The following OTOGL variants were observed in gnomAD, a reference collection of about 807,000 sequenced individuals.
The protein encoded by OTOGL is otogelin like, also known as otogelin-like protein.
A neutral mutation model predicts 318.5 loss-of-function variants in OTOGL; 285 were observed. The observed-to-expected ratio is 0.89, with a 90% CI of 0.81 to 0.99. The LOEUF is 0.99. Among genes scored for constraint, OTOGL ranks in the 50% least tolerant of loss-of-function variants. The pLI is 0.00. For synonymous variants in OTOGL, 987 were observed against 936.5 expected (o/e 1.05, Z -0.99); for missense variants, 2,899 against 2,845.6 (o/e 1.02, Z -0.43).
intron 6 of OTOGL, among the ~76,000 whole-genome samples, chr12:80,220,981 G>T (rs1878265424): frequency 6.6e-6 from 1 of 152,052 alleles, no homozygotes; most frequent in Admixed American, 6.6e-5. Flanking sequence ...ATAAATTTAG[G>T]TGGGAATCAC....
At chr12:80,359,201 G>C (rs1163781662) in intron 52 of OTOGL, among the ~76,000 whole-genome samples, 1 of 152,092 alleles carries the variant, frequency 6.6e-6, no homozygotes, top group African/African-American at 2.4e-5. Flanking sequence ...TCTTAATATT[G>C]AGTGGTGTTG....
intron 7 of OTOGL, among the ~76,000 whole-genome samples, chr12:80,225,005 C>A (rs1294892006): frequency 1.3e-5 from 2 of 151,672 alleles, no homozygotes; most frequent in African/African-American, 4.8e-5. Flanking sequence ...ATCTCCTGTA[C>A]CCCATATATA....
intron 1 of OTOGL, among the ~76,000 whole-genome samples, chr12:80,113,883 CT>C (rs916402119): frequency 6.6e-6 from 1 of 152,022 alleles, no homozygotes; most frequent in African/African-American, 2.4e-5. Context: ...TGCCCTTTGC[CT>C]TTTTTCATCT....
Position 80,313,532 on chromosome 12 carries a change from T to C in OTOGL, c.3507T>C (p.Leu1169=), listed in dbSNP as rs1886778317. The change falls in exon 31 of 59, where the codon CTT becomes CTC. Residue 1169 remains leucine, a synonymous_variant. Transcript: ENST00000547103. Reference sequence around the variant, plus strand: ...ATGAAGATACATGTAACTGCAATCTTGGTGGCGACTGTGAGTGTTTGTGCA... The same window carrying C: ...ATGAAGATACATGTAACTGCAATCTCGGTGGCGACTGTGAGTGTTTGTGCA... ...NCHEDTCNCN[L]GGDCECLCTS... 3 of 1,612,704 alleles carry C rather than the reference T, an allele frequency of 1.9e-6. No individual in the cohort carries two copies. Among genetic ancestry groups the C allele is most frequent in the South Asian group, 2.2e-5 (2 of 91,030 alleles).
rs1348973897 is a variant in OTOGL, at chr12:80,332,961, TA to T, written c.4349-41del. On this transcript the variant is annotated intron_variant, in intron 37 of 58. Transcript: ENST00000547103. Reference sequence around the variant, plus strand: ...TGTCACATATCAATTCCATGCAAGATAAATGCATTCCACTAATGAGGATTAC... The same window carrying T: ...TGTCACATATCAATTCCATGCAAGATAATGCATTCCACTAATGAGGATTAC... 4.8e-6 allele frequency: 7 copies of T among 1,453,872 alleles called. No individual in the cohort carries two copies. In the East Asian group the frequency reaches 1.7e-4, roughly 35 times the overall value. 90.1% of individuals were successfully genotyped at this position (1,453,872 alleles called of 1,614,324 possible).
chr12:80,172,150 G>A (rs944764331), intron 1 of OTOGL, among the ~76,000 whole-genome samples: 1 of 151,994 alleles, frequency 6.6e-6, no homozygotes, highest in Non-Finnish European at 1.5e-5. Context: ...AGCCATACTT[G>A]TATGATTTCC....
intron 18 of OTOGL, among the ~76,000 whole-genome samples, chr12:80,258,632 A>G (rs1480843199): frequency 2.0e-5 from 3 of 152,154 alleles, no homozygotes; most frequent in Non-Finnish European, 4.4e-5. Context: ...TGCACTTGTT[A>G]TCATGCTAAA....
intron 35 of OTOGL, among the ~76,000 whole-genome samples, chr12:80,326,992 T>C (rs1887714751): frequency 6.6e-6 from 1 of 152,230 alleles, no homozygotes. Context: ...GGAAATGTTT[T>C]TAAAATTTGT....
At chr12:80,257,307 G>T (rs1592618254) in intron 17 of OTOGL, among the ~76,000 whole-genome samples, 1 of 147,566 alleles carries the variant, frequency 6.8e-6, no homozygotes, top group East Asian at 2.0e-4. Context: ...TTAAGGTGAA[G>T]TTTTTTTTTT....
At chr12:80,359,898 A>G (rs538591563) in intron 52 of OTOGL, among the ~76,000 whole-genome samples, 1 of 152,350 alleles carries the variant, frequency 6.6e-6, no homozygotes, top group Non-Finnish European at 1.5e-5. Flanking sequence ...TTACCAAGTC[A>G]GCACTTTAGC....
At chr12:80,211,906 C>T (rs541743561) in intron 3 of OTOGL, 43 bp from the exon 4 acceptor site, 8 of 1,491,064 alleles carry the variant, frequency 5.4e-6, no homozygotes, top group African/African-American at 2.8e-5. Context: ...TTCAGGTTGC[C>T]TAGGGGCCTT....
At chr12:80,358,612 G>A (rs1217069006) in intron 50 of OTOGL, 59 bp from the exon 51 acceptor site, 4 of 1,320,146 alleles carry the variant, frequency 3.0e-6, no homozygotes, top group South Asian at 1.3e-5. Flanking sequence ...TAAATGGTAG[G>A]TAATGAGAAA....
At chr12:80,131,834 C>T (rs1171463554) in intron 1 of OTOGL, 1 of 152,130 alleles carries the variant, frequency 6.6e-6, no homozygotes, top group Non-Finnish European at 1.5e-5. Context: ...AGTTTAGTAA[C>T]TTTCCTGAAG....
At chr12:80,244,866 G>C (rs1476413243) in intron 11 of OTOGL, among the ~76,000 whole-genome samples, 4 of 144,648 alleles carry the variant, frequency 2.8e-5, no homozygotes, top group Non-Finnish European at 4.5e-5. Context: ...ATTCTAACTG[G>C]TGTGAGATGA....
intron 29 of OTOGL, among the ~76,000 whole-genome samples, chr12:80,308,274 C>T (rs1371113030): frequency 1.3e-5 from 2 of 151,202 alleles, no homozygotes; most frequent in Non-Finnish European, 3.0e-5. Context: ...GGCGGAGGGG[C>T]TCCTCACTTC....
chr12:80,106,775 T>C (rs868297517), intron 1 of OTOGL, among the ~76,000 whole-genome samples: 2 of 152,202 alleles, frequency 1.3e-5, no homozygotes, highest in African/African-American at 4.8e-5. Context: ...ACAGTGGCCA[T>C]TAAATTCTTT....
intron 22 of OTOGL, among the ~76,000 whole-genome samples, chr12:80,268,193 C>G (rs970866353): frequency 6.6e-6 from 1 of 152,108 alleles, no homozygotes; most frequent in African/African-American, 2.4e-5. Flanking sequence ...TAGGTACCAA[C>G]AGATAATAAT....
At chr12:80,134,216 C>T (rs1871408867) in intron 1 of OTOGL, among the ~76,000 whole-genome samples, 1 of 152,172 alleles carries the variant, frequency 6.6e-6, no homozygotes. Context: ...TCTTCCTGTT[C>T]TAAAACATTT....
At chr12:80,133,497 C>T (rs1871360573) in intron 1 of OTOGL, 1 of 151,938 alleles carries the variant, frequency 6.6e-6, no homozygotes, top group Non-Finnish European at 1.5e-5. Context: ...TTTTGTTACT[C>T]AGGGTAAAAT....
Sources: allele counts gnomAD v4.1 joint callset (sites outside exome capture counted in the v4.1 genomes callset), GRCh38; gene constraint gnomAD v4.1.1; transcripts MANE v1.5; gene names NCBI Gene and HGNC (gene_info 2026-07-23, HGNC 2026-07-21).